Variants in CNP observed in about 807,000 individuals in gnomAD.
The protein encoded by CNP is 2',3'-cyclic nucleotide 3' phosphodiesterase.
In CNP, 8 loss-of-function variants were observed where a neutral mutation model predicts 37.9. That is an observed-to-expected ratio of 0.21 (90% CI 0.12 to 0.38). The LOEUF (loss-of-function observed/expected upper bound fraction) is 0.38. CNP is among the 10% of genes least tolerant of loss of function. CNP has a pLI of 1.00. For missense variants in CNP, 457 were observed against 551.0 expected (o/e 0.83, Z 1.71); for synonymous variants, 237 against 238.3 (o/e 0.99, Z 0.05).
At position 41,976,552 on chromosome 17, in the gene CNP, G is replaced by A. The variant is rs1167661737; in HGVS notation, c.*2628G>A. 4.6e-6 allele frequency: 3 copies of A among 647,178 alleles called. No homozygotes were observed. Among genetic ancestry groups the A allele is most frequent in the East Asian group, 3.5e-5 (1 of 28,230 alleles). The allele number at this position is 647,178 out of a possible 1,614,324, so 40.1% of individuals were successfully genotyped here. A position where few individuals can be genotyped will look rare whatever the true frequency, so the allele number is the denominator to read the frequency against. ...ACCCCCGCCTCCCTCCCCTGCCCTCGGTCTTCGGCATTGGTTCCCTTTGCT... is the reference window on the plus strand; with the variant it reads ...ACCCCCGCCTCCCTCCCCTGCCCTCAGTCTTCGGCATTGGTTCCCTTTGCT... On this transcript the variant is annotated 3_prime_UTR_variant, in exon 4 of 4. Coordinates refer to ENST00000393892, the MANE Select transcript of CNP (RefSeq NM_033133.5).
Position 41,966,859 on chromosome 17 carries a change from C to T in CNP, c.-26C>T. ...CCCGGAGCGCTGGTGCCGGCAGAGG[C>T]GGCGACGGTGGCGCCCCTCCTCATC... On this transcript the variant is annotated 5_prime_UTR_variant, in exon 1 of 4. Transcript: ENST00000393892. 1 of 1,364,966 alleles carries T rather than the reference C, an allele frequency of 7.3e-7. No homozygotes were observed. Among genetic ancestry groups the T allele is most frequent in the Non-Finnish European group, 9.4e-7 (1 of 1,060,162 alleles). 84.6% of individuals were successfully genotyped at this position (1,364,966 alleles called of 1,614,324 possible).
rs1555645098 is a variant in CNP at position 41,977,308 on chromosome 17, T to C, written c.*3384T>C. The C allele has an allele frequency of 1.9e-6, 3 of 1,582,732 alleles. No homozygotes were observed. The highest frequency in any genetic ancestry group is 2.6e-6 in the Non-Finnish European group (3 of 1,164,280). ...ACCGCCAAAGAATGCCTTGAAGATA[T>C]TGTTTGGATCAAAATCTGTAGAGCA... is the stretch of plus-strand genomic sequence containing the variant. On this transcript the variant is annotated 3_prime_UTR_variant, in exon 4 of 4. Transcript: ENST00000393892.
rs370636550 is a variant in CNP, at chr17:41,968,667, C to A, written c.603C>A (p.Thr201=). The change falls in exon 2 of 4, where the codon ACC becomes ACA. Residue 201 remains threonine (T), a synonymous_variant. Coordinates refer to ENST00000393892, the MANE Select transcript of CNP (RefSeq NM_033133.5). The surrounding 1 kb of genome is among the most constrained non-coding windows in gnomAD (Gnocchi z 4.8). The part of the protein sequence containing the change: ...GWFLTKKSSE[T]LRKAGQVFLE... ...TCCTGACCAAGAAGAGCTCTGAGAC[C>A]CTCCGCAAAGCCGGCCAGGTCTTCC... 1.6e-4 allele frequency: 253 copies of A among 1,613,988 alleles called. No individual in the cohort carries two copies. Among genetic ancestry groups the A allele is most frequent in the Non-Finnish European group, 2.0e-4 (235 of 1,180,026 alleles).
At position 41,976,925 on chromosome 17, in the gene CNP, A is replaced by C; in HGVS notation, c.*3001A>C. The C allele has an allele frequency of 1.1e-6, 1 of 878,370 alleles. No individual in the cohort carries two copies. The highest frequency in any genetic ancestry group is 1.7e-6 in the Non-Finnish European group (1 of 580,458). 54.4% of individuals were successfully genotyped at this position (878,370 alleles called of 1,614,324 possible). A position where few individuals can be genotyped will look rare whatever the true frequency, so the allele number is the denominator to read the frequency against. On this transcript the variant is annotated 3_prime_UTR_variant, in exon 4 of 4. Transcript: ENST00000393892. ...ACAGCTCAGGCTGTTTTTGGGTGCAAGAGGGAGCACGTGACTGTATTATAC... is the reference window on the plus strand; with the variant it reads ...ACAGCTCAGGCTGTTTTTGGGTGCACGAGGGAGCACGTGACTGTATTATAC...
Position 41,974,700 on chromosome 17 carries a change from G to C in CNP, c.*776G>C, listed in dbSNP as rs1444895835. ...GATAACTAGGGAAGAAAGCAGAACA[G>C]TTAAGCAGCCGCCACATCCCCGCTG... On this transcript the variant is annotated 3_prime_UTR_variant, in exon 4 of 4. Transcript: ENST00000393892. 1 of 152,594 alleles carries C rather than the reference G, an allele frequency of 6.6e-6. No homozygotes were observed. The highest frequency in any genetic ancestry group is 6.5e-5 in the Admixed American group (1 of 15,284). The allele number at this position is 152,594 out of a possible 1,614,324, so 9.5% of individuals were successfully genotyped here.
chr17:41,971,836 G>C, intron 2 of CNP, 56 bp from the exon 3 acceptor site: 1 of 1,601,532 alleles, frequency 6.2e-7, no homozygotes, highest in South Asian at 1.1e-5. Context: ...TCCTGGTGGC[G>C]GATGTTGGTA....
intron 1 of CNP, chr17:41,967,205 T>G (rs1283376627): frequency 7.3e-6 from 2 of 272,120 alleles, no homozygotes; most frequent in Non-Finnish European, 1.4e-5. Context: ...AGGCCCGCGC[T>G]GGGGCAGCCG....
chr17:41,968,110 A>G lies in CNP; in HGVS notation c.46A>G (p.Ile16Val), dbSNP rs568875137. Residue 16 changes from isoleucine to valine, a missense_variant, in exon 2 of 4, where the codon ATC becomes GTC. Ile to Val is a conservative substitution (Grantham distance 29). Coordinates refer to ENST00000393892, the MANE Select transcript of CNP (RefSeq NM_033133.5). The surrounding 1 kb of genome is among the most constrained non-coding windows in gnomAD (Gnocchi z 4.8). ...AAAAAGCCACACATTCCTGCCCAAGATCTTCTTCCGCAAGATGTCATCCTC... is the reference window on the plus strand; with the variant it reads ...AAAAAGCCACACATTCCTGCCCAAGGTCTTCTTCCGCAAGATGTCATCCTC... ...SRKSHTFLPK[I>V]FFRKMSSSGA... The G allele has an allele frequency of 1.9e-6, 3 of 1,614,188 alleles. No individual in the cohort carries two copies. In the South Asian group the frequency reaches 3.3e-5, roughly 18 times the overall value.
In CNP at chr17:41,968,590, A is replaced by C. The variant is rs782789993; in HGVS notation, c.526A>C (p.Lys176Gln). ...GCAGCTGTCGGCTGATGACCTGAAG[A>C]AGCTGAAGCCTGGGCTGGAGAAGGA... ...QWQLSADDLK[K>Q]LKPGLEKDFL... Residue 176 changes from lysine to glutamine, a missense_variant, in exon 2 of 4, where the codon AAG (lysine) becomes CAG (glutamine). Transcript: ENST00000393892. The surrounding 1 kb of genome is among the most constrained non-coding windows in gnomAD (Gnocchi z 4.8). The C allele has an allele frequency of 1.7e-5, 27 of 1,614,036 alleles. 1 individual carries two copies. The South Asian group carries it at 2.9e-4, about 17-fold the overall frequency.
chr17:41,969,331 T>A (rs2050950505), intron 2 of CNP, among the ~76,000 whole-genome samples: 1 of 152,100 alleles, frequency 6.6e-6, no homozygotes. Context: ...AAAACCCGTT[T>A]TCAGATGGAA....
At position 41,977,532 on chromosome 17, in the gene CNP, C is replaced by G. The variant is rs1275777069; in HGVS notation, c.*3608C>G. On this transcript the variant is annotated 3_prime_UTR_variant, in exon 4 of 4. Transcript: ENST00000393892. The stretch of plus-strand genomic sequence containing the variant: ...CTGATCCCACTCCTAGGACATGTTC[C>G]CTTCTCCTTCCAACTGCTGCCCCAA... 2.3e-6 allele frequency: 1 copy of G among 442,900 alleles called. No individual in the cohort carries two copies. The highest frequency in any genetic ancestry group is 4.1e-6 in the Non-Finnish European group (1 of 246,550). 27.4% of individuals were successfully genotyped at this position (442,900 alleles called of 1,614,324 possible).
At chr17:41,971,846 A>G in intron 2 of CNP, 46 bp from the exon 3 acceptor site, 1 of 1,607,228 alleles carries the variant, frequency 6.2e-7, no homozygotes, top group Non-Finnish European at 8.5e-7. Flanking sequence ...GGATGTTGGT[A>G]TGCCCCTGCT....
rs990251996 is a variant in CNP at position 41,977,111 on chromosome 17, T to C, written c.*3187T>C. 2.4e-6 allele frequency: 2 copies of C among 827,710 alleles called. No individual in the cohort carries two copies. Among genetic ancestry groups the C allele is most frequent in the Non-Finnish European group, 3.8e-6 (2 of 526,954 alleles). The allele number at this position is 827,710 out of a possible 1,614,324, so 51.3% of individuals were successfully genotyped here. ...CTGGGAACCTTCCTGTCTTCATCCTTAGCAACAGCCGAGTGGATAGATGCC... is the reference window on the plus strand; with the variant it reads ...CTGGGAACCTTCCTGTCTTCATCCTCAGCAACAGCCGAGTGGATAGATGCC... On this transcript the variant is annotated 3_prime_UTR_variant, in exon 4 of 4. Transcript: ENST00000393892.
In CNP at chr17:41,976,779, GA is replaced by G. The variant is rs782506550; in HGVS notation, c.*2859del. On this transcript the variant is annotated 3_prime_UTR_variant, in exon 4 of 4. Coordinates refer to ENST00000393892, the MANE Select transcript of CNP (RefSeq NM_033133.5). Reference sequence around the variant, plus strand: ...ATTCCCTGGACCAGATGCTGAAAGAGAAAAGAGGGGTTGGTAGTTGGCTATG... The same window carrying G: ...ATTCCCTGGACCAGATGCTGAAAGAGAAAGAGGGGTTGGTAGTTGGCTATG... 3 of 1,609,708 alleles carry G rather than the reference GA, an allele frequency of 1.9e-6. No homozygotes were observed. The highest frequency in any genetic ancestry group is 2.2e-5 in the South Asian group (2 of 90,820).
chr17:41,973,789 T>C lies in CNP; in HGVS notation c.1131T>C (p.Asn377=), dbSNP rs1555644244. 1.2e-6 allele frequency: 2 copies of C among 1,612,792 alleles called. No individual in the cohort carries two copies. The highest frequency in any genetic ancestry group is 8.5e-7 in the Non-Finnish European group (1 of 1,179,420). Residue 377 remains asparagine (N), a synonymous_variant, in exon 4 of 4, where the codon AAT becomes AAC. Coordinates refer to ENST00000393892, the MANE Select transcript of CNP (RefSeq NM_033133.5). ...GGGGCAAGCTCTATTCCTTGGGCAATGGGCGCTGGATGCTGACCCTGGCCA... is the reference window on the plus strand; with the variant it reads ...GGGGCAAGCTCTATTCCTTGGGCAACGGGCGCTGGATGCTGACCCTGGCCA... The part of the protein sequence containing the change: ...LSRGKLYSLG[N]GRWMLTLAKN...
rs2051088769 is a variant in CNP, at chr17:41,976,654, G to C, written c.*2730G>C. The stretch of plus-strand genomic sequence containing the variant: ...CTAAGCACACGGAGACGTGATGAAG[G>C]GAGGAGGTGAACTGTTTCCACATTC... On this transcript the variant is annotated 3_prime_UTR_variant, in exon 4 of 4. Transcript: ENST00000393892. The C allele has an allele frequency of 1.9e-6, 3 of 1,559,534 alleles. No homozygotes were observed. In the Admixed American group the frequency reaches 5.6e-5, roughly 29 times the overall value.
chr17:41,977,557 A>G lies in CNP; in HGVS notation c.*3633A>G, dbSNP rs2051124248. The stretch of plus-strand genomic sequence containing the variant: ...CCTTCTCCTTCCAACTGCTGCCCCA[A>G]AGGAAGCTTTCTCTGCTTCAGCTTG... On this transcript the variant is annotated 3_prime_UTR_variant, in exon 4 of 4. Transcript: ENST00000393892. The G allele has an allele frequency of 2.5e-6, 1 of 401,576 alleles. No homozygotes were observed. The allele number at this position is 401,576 out of a possible 1,614,324, so 24.9% of individuals were successfully genotyped here. A position where few individuals can be genotyped will look rare whatever the true frequency, so the allele number is the denominator to read the frequency against.
chr17:41,973,693 C>T lies in CNP; in HGVS notation c.1035C>T (p.Gly345=). 1 of 1,613,330 alleles carries T rather than the reference C, an allele frequency of 6.2e-7. No individual in the cohort carries two copies. Among genetic ancestry groups the T allele is most frequent in the Non-Finnish European group, 8.5e-7 (1 of 1,179,570 alleles). The change falls in exon 4 of 4, where the codon GGC becomes GGT. Residue 345 remains glycine, a synonymous_variant. Coordinates refer to ENST00000393892, the MANE Select transcript of CNP (RefSeq NM_033133.5). ...CTGACGTAGAGGCCGTGCAGACGGG[C>T]CTTGACCTCTTAGAGATTCTGCGGC... ...CAADVEAVQT[G]LDLLEILRQE...
chr17:41,973,981 C>A lies in CNP; in HGVS notation c.*57C>A. ...GGAAGGGGAGAGGGAAACGTGCCCT[C>A]TGTTTGATCCTTGTTTTGTGACATT... On this transcript the variant is annotated 3_prime_UTR_variant, in exon 4 of 4. Transcript: ENST00000393892. The A allele has an allele frequency of 9.1e-6, 11 of 1,209,616 alleles. No individual in the cohort carries two copies. Among genetic ancestry groups the A allele is most frequent in the Non-Finnish European group, 1.2e-5 (11 of 916,714 alleles). 74.9% of individuals were successfully genotyped at this position (1,209,616 alleles called of 1,614,324 possible). A position where few individuals can be genotyped will look rare whatever the true frequency, so the allele number is the denominator to read the frequency against.
Sources: allele counts gnomAD v4.1 joint callset (sites outside exome capture counted in the v4.1 genomes callset), GRCh38; gene constraint gnomAD v4.1.1; non-coding constraint Gnocchi (gnomAD v3.1); transcripts MANE v1.5; gene names NCBI Gene and HGNC (gene_info 2026-07-23, HGNC 2026-07-21).